Variants in IBTK observed in about 807,000 individuals in gnomAD.
IBTK encodes the protein BTK-binding protein.
Under a neutral mutation model 154.9 loss-of-function variants are expected in IBTK, and 83 were observed. The observed-to-expected ratio is 0.54, with a 90% CI of 0.45 to 0.64. The LOEUF is 0.64. Among genes scored for constraint, IBTK ranks in the 30% least tolerant of loss-of-function variants. The pLI is 0.00. For synonymous variants in IBTK, 515 were observed against 536.1 expected, an observed-to-expected ratio of 0.96 and a Z score of 0.54; for missense variants, 1,332 against 1,584.6, an observed-to-expected ratio of 0.84 and a Z score of 2.71.
At chr6:82,239,507 A>C (rs1410108581) in intron 2 of IBTK, among the ~76,000 whole-genome samples, 3 of 152,202 alleles carry the variant, frequency 2.0e-5, no homozygotes, top group Non-Finnish European at 2.9e-5. Flanking sequence ...TCATTTTAAA[A>C]TACTAAAAGA....
intron 1 of IBTK, among the ~76,000 whole-genome samples, chr6:82,244,500 G>C (rs1281729783): frequency 1.3e-5 from 2 of 152,118 alleles, no homozygotes; most frequent in Non-Finnish European, 2.9e-5. Context: ...CTTCTTCCTA[G>C]GGCATTATCG....
rs955185916 is a variant in IBTK at position 82,202,448 on chromosome 6, T to C, written c.2729+80A>G. ...ATCCAGGTAAACATCATTATTCACA[T>C]TTAAATCACTAATAATATCTGCTAT... On this transcript the variant is annotated intron_variant, in intron 18 of 28. Transcript: ENST00000306270. 1.5e-5 allele frequency: 12 copies of C among 792,992 alleles called. No individual in the cohort carries two copies. The East Asian group carries it at 2.9e-4, about 19-fold the overall frequency. 49.1% of individuals were successfully genotyped at this position (792,992 alleles called of 1,614,324 possible).
At chr6:82,202,388 A>G in intron 18 of IBTK, 140 bp downstream of exon 18, 1 of 621,158 alleles carries the variant, frequency 1.6e-6, no homozygotes, top group Non-Finnish European at 2.9e-6. Context: ...AATGTACATA[A>G]CTTCTAAATC....
In IBTK at chr6:82,214,580, G is replaced by T; in HGVS notation, c.1851C>A (p.Leu617=). The T allele has an allele frequency of 6.2e-7, 1 of 1,614,020 alleles. No homozygotes were observed. Among genetic ancestry groups the T allele is most frequent in the Non-Finnish European group, 8.5e-7 (1 of 1,179,988 alleles). The change falls in exon 12 of 29, where the codon CTC becomes CTA. Residue 617 remains leucine, a synonymous_variant. Transcript: ENST00000306270. The part of the protein sequence containing the change: ...QKDEDSAGCH[L]FVVEKVHPDM... ...CAGGATGAACCTTCTCTACCACAAA[G>T]AGATGGCACCCTGCAGAATCTTCAT...
intron 10 of IBTK, 32 bp downstream of exon 10, chr6:82,217,928 A>T (rs1389368889): frequency 1.5e-6 from 2 of 1,372,122 alleles, no homozygotes; most frequent in African/African-American, 3.0e-5. Context: ...ATTGAAAGGT[A>T]CTTTTACGTA....
At chr6:82,186,004 G>A (rs964762438) in intron 25 of IBTK, among the ~76,000 whole-genome samples, 3 of 152,016 alleles carry the variant, frequency 2.0e-5, no homozygotes, top group African/African-American at 7.2e-5. Context: ...TATTTCTCCT[G>A]GTATTTCAAA....
At chr6:82,241,376 C>A (rs1770944733) in intron 1 of IBTK, among the ~76,000 whole-genome samples, 1 of 152,204 alleles carries the variant, frequency 6.6e-6, no homozygotes, top group South Asian at 2.1e-4. Flanking sequence ...CCAACACTCT[C>A]ATCAGTTACT....
intron 9 of IBTK, among the ~76,000 whole-genome samples, chr6:82,220,109 C>T (rs2127818658): frequency 6.6e-6 from 1 of 152,176 alleles, no homozygotes; most frequent in African/African-American, 2.4e-5. Context: ...ACTCAGGAGG[C>T]TGAGACATGA....
intron 16 of IBTK, 141 bp from the exon 17 acceptor site, chr6:82,205,099 T>C: frequency 2.3e-6 from 1 of 426,370 alleles, no homozygotes; most frequent in East Asian, 3.6e-5. Context: ...AGAAAAGAGA[T>C]TTAAGATTAT....
At chr6:82,195,580 C>CA (rs57301763) in intron 22 of IBTK, among the ~76,000 whole-genome samples, 87 of 143,042 alleles carry the variant, frequency 6.1e-4, no homozygotes, top group Admixed American at 2.2e-3. Context: ...GACCCTGTCT[C>CA]AAAAAAAAAA....
chr6:82,204,982 A>G (rs1769345371), intron 16 of IBTK, 24 bp from the exon 17 acceptor site: 4 of 1,487,826 alleles, frequency 2.7e-6, no homozygotes, highest in Non-Finnish European at 3.7e-6. Flanking sequence ...GAAAACAAGC[A>G]TCACTTTTTC....
chr6:82,236,329 G>T (rs1770712459), intron 2 of IBTK, among the ~76,000 whole-genome samples: 1 of 152,122 alleles, frequency 6.6e-6, no homozygotes, highest in African/African-American at 2.4e-5. Context: ...AAAAATATTT[G>T]TTCCAAATAC....
chr6:82,246,271 C>A (rs1771138544), intron 1 of IBTK, among the ~76,000 whole-genome samples: 1 of 151,964 alleles, frequency 6.6e-6, no homozygotes, highest in South Asian at 2.1e-4. Context: ...GAGACTCAAG[C>A]GATTCTGCCT....
At chr6:82,186,877 T>A (rs901256070) in intron 25 of IBTK, among the ~76,000 whole-genome samples, 5 of 151,234 alleles carry the variant, frequency 3.3e-5, no homozygotes, top group Non-Finnish European at 7.4e-5. Flanking sequence ...AATAAATGTA[T>A]AACAAATATC....
chr6:82,207,259 T>C (rs371126291), intron 16 of IBTK, among the ~76,000 whole-genome samples: 2 of 152,128 alleles, frequency 1.3e-5, no homozygotes, highest in Non-Finnish European at 2.9e-5. Context: ...ATAAGATCAA[T>C]ATACAAAAAT....
chr6:82,181,580 A>G (rs916575286), intron 26 of IBTK, among the ~76,000 whole-genome samples: 1 of 152,298 alleles, frequency 6.6e-6, no homozygotes, highest in South Asian at 2.1e-4. Flanking sequence ...ACATCTGAAA[A>G]TGATGCTTAT....
At chr6:82,193,875 T>TTGAA (rs1768879761) in intron 23 of IBTK, among the ~76,000 whole-genome samples, 1 of 151,900 alleles carries the variant, frequency 6.6e-6, no homozygotes. Flanking sequence ...AGAGATGGGG[T>TTGAA]TTCACCATGT....
chr6:82,203,126 T>C (rs1405173415), intron 17 of IBTK, among the ~76,000 whole-genome samples: 1 of 152,090 alleles, frequency 6.6e-6, no homozygotes, highest in Admixed American at 6.6e-5. Context: ...TGTGGGTGTA[T>C]ATATATACAT....
chr6:82,227,058 A>AT (rs1259468161), intron 5 of IBTK, 134 bp downstream of exon 5: 26 of 546,340 alleles, frequency 4.8e-5, no homozygotes, highest in Middle Eastern at 3.9e-4. Context: ...CAGGAAACAG[A>AT]TTTTTTAAAA....
Sources: gnomAD v4.1 joint callset for allele counts (sites outside exome capture counted in the v4.1 genomes callset) on GRCh38, gnomAD v4.1.1 for gene constraint, MANE v1.5 for transcripts, NCBI Gene and HGNC (gene_info 2026-07-23, HGNC 2026-07-21) for gene names.